Variants in TJAP1 observed in about 807,000 individuals in gnomAD.
TJAP1 encodes tight junction-associated protein 1.
TJAP1 carries 27 observed loss-of-function variants against 42.0 expected under a neutral mutation model. The observed-to-expected ratio is 0.64, with a 90% CI of 0.47 to 0.89. The LOEUF is 0.89. TJAP1 is among the 40% of genes least tolerant of loss of function. The pLI, the probability that TJAP1 is intolerant of heterozygous loss-of-function variation, is 0.00. For synonymous variants in TJAP1, 257 were observed against 288.4 expected (o/e 0.89, Z 1.10); for missense variants, 712 against 726.9 (o/e 0.98, Z 0.24).
chr6:43,496,648 C>T (rs992227582), intron 2 of TJAP1, among the ~76,000 whole-genome samples: 1 of 152,230 alleles, frequency 6.6e-6, no homozygotes, highest in Non-Finnish European at 1.5e-5. Context: ...ACCATTCTCC[C>T]TGCCCCGGGC....
intron 2 of TJAP1, among the ~76,000 whole-genome samples, chr6:43,478,433 T>TG (rs1461055908): frequency 6.6e-6 from 1 of 152,252 alleles, no homozygotes; most frequent in African/African-American, 2.4e-5. Context: ...TTAAGCCTTG[T>TG]GTGCCTTCAC....
chr6:43,502,337 G>A (rs757360194), exon 7 of TJAP1: 2 of 1,613,690 alleles, frequency 1.2e-6, no homozygotes, highest in East Asian at 4.5e-5. Context: ...TGGAGGACAA[G>A]CTGCACACAC....
chr6:43,477,781 A>C (rs1784513527), intron 1 of TJAP1, 153 bp downstream of exon 1: 1 of 150,552 alleles, frequency 6.6e-6, no homozygotes, highest in African/African-American at 2.5e-5. Flanking sequence ...GAGGAAAAAA[A>C]GGAGCTGGGG....
chr6:43,502,528 T>G, intron 7 of TJAP1, 60 bp from the exon 8 acceptor site: 2 of 1,546,204 alleles, frequency 1.3e-6, no homozygotes, highest in Non-Finnish European at 1.8e-6. Context: ...TCACACTGTT[T>G]CTCTTCTTTC....
intron 10 of TJAP1, 48 bp downstream of exon 10, chr6:43,503,754 C>T: frequency 6.6e-7 from 1 of 1,525,480 alleles, no homozygotes; most frequent in South Asian, 1.1e-5. Context: ...ATTCCGGCCA[C>T]TGTAGGACTC....
chr6:43,504,158 A>G (rs1188563007), intron 10 of TJAP1: 1 of 279,830 alleles, frequency 3.6e-6, no homozygotes, highest in Non-Finnish European at 7.0e-6. Context: ...TCTGTCACCT[A>G]GGCTGGAGTG....
At chr6:43,486,212 A>G (rs899285639) in intron 2 of TJAP1, among the ~76,000 whole-genome samples, 2 of 151,322 alleles carry the variant, frequency 1.3e-5, no homozygotes, top group Non-Finnish European at 2.9e-5. Flanking sequence ...TGATCCGCCC[A>G]CCTCGGTCTC....
Position 43,499,703 on chromosome 6 carries a change from C to T in TJAP1, c.99+603C>T, listed in dbSNP as rs1258584557. ...CACTCACAGGCAGAAACGAGGGCCA[C>T]AGTGGTTTACTGCCCTTGCAGCCAT... On this transcript the variant is annotated intron_variant, in intron 4 of 10. Transcript: ENST00000372449. Among the ~76,000 whole-genome samples the T allele has an allele frequency of 3.3e-5, 5 of 152,376 alleles. No individual in the cohort carries two copies. In the East Asian group the frequency reaches 9.6e-4, roughly 29 times the overall value.
intron 2 of TJAP1, chr6:43,478,743 T>C (rs1404274280): frequency 1.3e-5 from 2 of 152,242 alleles, no homozygotes; most frequent in Admixed American, 6.5e-5. Flanking sequence ...TTAGTGTTCC[T>C]CTGGGGATGT....
intron 2 of TJAP1, among the ~76,000 whole-genome samples, chr6:43,482,904 A>G: frequency 6.6e-6 from 1 of 152,158 alleles, no homozygotes; most frequent in East Asian, 1.9e-4. Flanking sequence ...TAGGTGAATC[A>G]CGAGATCAGG....
At chr6:43,486,264 C>A (rs547335376) in intron 2 of TJAP1, among the ~76,000 whole-genome samples, 1 of 151,302 alleles carries the variant, frequency 6.6e-6, no homozygotes, top group African/African-American at 2.4e-5. Flanking sequence ...CATGCTCGGC[C>A]AGACGGTTTA....
chr6:43,505,189 G>A lies in TJAP1; in HGVS notation c.1008G>A (p.Glu336=). 1 of 1,614,180 alleles carries A rather than the reference G, an allele frequency of 6.2e-7. No homozygotes were observed. The highest frequency in any genetic ancestry group is 1.1e-5 in the South Asian group (1 of 91,092). The change falls in exon 11 of 11, where the codon GAG becomes GAA. Residue 336 remains glutamate (E), a synonymous_variant. Coordinates refer to ENST00000372449, the Ensembl canonical transcript of TJAP1. This position sits in a 1 kb window ranked among gnomAD's most constrained non-coding sequence, Gnocchi z 5.5. ...GCCGCAGGGTAATAGAGTTCTCTGA[G>A]GATAAGGTTCGGATCCCCCGCAACA...
intron 6 of TJAP1, among the ~76,000 whole-genome samples, 170 bp downstream of exon 6, chr6:43,501,857 A>C (rs1790747908): frequency 7.5e-6 from 1 of 132,872 alleles, no homozygotes; most frequent in Non-Finnish European, 1.6e-5. Context: ...CTATTAAAAA[A>C]CTGGATAAGT....
chr6:43,502,922 TC>T, intron 8 of TJAP1: 2 of 534,456 alleles, frequency 3.7e-6, no homozygotes, highest in South Asian at 4.2e-5. Flanking sequence ...GCAGATCCAG[TC>T]CCTGAACTGG....
intron 2 of TJAP1, among the ~76,000 whole-genome samples, chr6:43,490,291 G>A (rs929880172): frequency 4.6e-5 from 7 of 152,134 alleles, no homozygotes; most frequent in Non-Finnish European, 7.4e-5. Flanking sequence ...ACCCTTCCCC[G>A]AGTCAGCAGC....
At position 43,505,237 on chromosome 6, in the gene TJAP1, C is replaced by G. The variant is rs143474891; in HGVS notation, c.1056C>G (p.Tyr352Ter). ...ACAGCCCCCTGCCCAACTGCACTTA[C>G]GCTACCCGCCAGGCCATTTCCCTGA... is the stretch of plus-strand genomic sequence containing the variant. The change falls in exon 11 of 11, where the codon TAC becomes TAG. Residue 352 changes from tyrosine (Y) to a stop codon, truncating the protein, a stop_gained. Coordinates refer to ENST00000372449, the Ensembl canonical transcript of TJAP1. LOFTEE classifies it high-confidence loss of function. This position sits in a 1 kb window ranked among gnomAD's most constrained non-coding sequence, Gnocchi z 5.5. The G allele has an allele frequency of 2.3e-5, 37 of 1,613,920 alleles. No individual in the cohort carries two copies. Among genetic ancestry groups the G allele is most frequent in the Non-Finnish European group, 3.1e-5 (36 of 1,179,984 alleles).
At chr6:43,494,077 CTT>C (rs1788453700) in intron 2 of TJAP1, among the ~76,000 whole-genome samples, 2 of 152,308 alleles carry the variant, frequency 1.3e-5, no homozygotes, top group South Asian at 4.1e-4. Context: ...TGAAAGTAGA[CTT>C]TGTTCTCTGA....
chr6:43,478,192 A>G (rs1784605439), exon 2 of TJAP1: 1 of 152,232 alleles, frequency 6.6e-6, no homozygotes. Flanking sequence ...ACTTGGAAAG[A>G]AGAAGAGATA....
chr6:43,490,277 C>T (rs1038243001), intron 2 of TJAP1, among the ~76,000 whole-genome samples: 4 of 152,250 alleles, frequency 2.6e-5, no homozygotes, highest in East Asian at 3.8e-4. Context: ...CACCCCCCAC[C>T]GTCACCCTTC....
Sources: allele counts gnomAD v4.1 joint callset (sites outside exome capture counted in the v4.1 genomes callset), GRCh38; gene constraint gnomAD v4.1.1; non-coding constraint Gnocchi (gnomAD v3.1); transcripts MANE v1.5; gene names NCBI Gene and HGNC (gene_info 2026-07-23, HGNC 2026-07-21).